Variants in SLC39A8 observed in about 807,000 individuals in gnomAD.
The protein encoded by SLC39A8 is metal cation symporter ZIP8.
SLC39A8 carries 15 observed loss-of-function variants against 40.4 expected under a neutral mutation model. The observed-to-expected ratio is 0.37, with a 90% CI of 0.25 to 0.57. The LOEUF (loss-of-function observed/expected upper bound fraction) is 0.57. Among genes scored for constraint, SLC39A8 ranks in the 20% least tolerant of loss-of-function variants. The probability of loss-of-function intolerance (pLI) is 0.75; values close to 1 mark genes in which losing one functional copy is unlikely to be tolerated. For missense variants in SLC39A8, 472 were observed against 558.8 expected, an observed-to-expected ratio of 0.84 and a Z score of 1.57; for synonymous variants, 223 against 221.6, an observed-to-expected ratio of 1.01 and a Z score of -0.06.
intron 8 of SLC39A8, among the ~76,000 whole-genome samples, chr4:102,266,733 G>A (rs1207446300): frequency 6.6e-6 from 1 of 151,824 alleles, no homozygotes; most frequent in South Asian, 2.1e-4. Context: ...TCAGACTCCC[G>A]AGTAGCTGGG....
chr4:102,322,002 T>C (rs1578614951), intron 2 of SLC39A8, among the ~76,000 whole-genome samples: 1 of 152,210 alleles, frequency 6.6e-6, no homozygotes, highest in East Asian at 1.9e-4. Context: ...ATTTGGTAGA[T>C]GTCTGTGGTT....
chr4:102,285,900 G>A (rs1416937017), intron 6 of SLC39A8, among the ~76,000 whole-genome samples: 1 of 152,036 alleles, frequency 6.6e-6, no homozygotes. Flanking sequence ...AACACCTTAT[G>A]GTTTGGCAAA....
chr4:102,259,874 A>G (rs921696609), downstream of SLC39A8, among the ~76,000 whole-genome samples: 2 of 152,172 alleles, frequency 1.3e-5, no homozygotes, highest in Non-Finnish European at 2.9e-5. Flanking sequence ...ATAATTCTGG[A>G]TGTGGCTCCA....
Position 102,304,994 on chromosome 4 carries a change from C to CAT in SLC39A8, c.668_669dup (p.Gly224MetfsTer32). The CAT allele has an allele frequency of 6.2e-7, 1 of 1,601,688 alleles. No homozygotes were observed. Among genetic ancestry groups the CAT allele is most frequent in the Non-Finnish European group, 8.5e-7 (1 of 1,171,842 alleles). ...TTTAAATAAAGTCCATTTACCTGAC[C>CAT]ATATGTCTTTAATAACATCTTTAGC... On this transcript the variant is annotated frameshift_variant, in exon 5 of 9. Coordinates refer to ENST00000356736, the MANE Select transcript of SLC39A8 (RefSeq NM_001135146.2). LOFTEE classifies it high-confidence loss of function.
At chr4:102,260,568 C>A (rs938830120), downstream of SLC39A8, among the ~76,000 whole-genome samples, 1 of 152,164 alleles carries the variant, frequency 6.6e-6, no homozygotes, top group Non-Finnish European at 1.5e-5. Flanking sequence ...GTGGGAGTCA[C>A]AAGTTAAAGA....
chr4:102,310,116 T>C (rs1247669063), intron 3 of SLC39A8, among the ~76,000 whole-genome samples: 1 of 152,082 alleles, frequency 6.6e-6, no homozygotes, highest in Non-Finnish European at 1.5e-5. Context: ...CTTCTCAACA[T>C]GGCCTTTACC....
At chr4:102,281,108 C>T (rs1292122389) in intron 6 of SLC39A8, among the ~76,000 whole-genome samples, 2 of 152,128 alleles carry the variant, frequency 1.3e-5, no homozygotes, top group Non-Finnish European at 1.5e-5. Flanking sequence ...ACATTCAGGA[C>T]ACAGGATATC....
At chr4:102,281,762 C>T (rs961499868) in intron 6 of SLC39A8, among the ~76,000 whole-genome samples, 6 of 152,266 alleles carry the variant, frequency 3.9e-5, no homozygotes, top group African/African-American at 1.2e-4. Context: ...CTACTCTGTA[C>T]ATGGAGCGTG....
At chr4:102,312,286 C>T in intron 3 of SLC39A8, among the ~76,000 whole-genome samples, 1 of 152,074 alleles carries the variant, frequency 6.6e-6, no homozygotes, top group African/African-American at 2.4e-5. Context: ...CGATCCCACT[C>T]CACTCCAGCC....
chr4:102,258,710 C>T (rs896171510), downstream of SLC39A8, among the ~76,000 whole-genome samples: 3 of 152,190 alleles, frequency 2.0e-5, no homozygotes, highest in Non-Finnish European at 4.4e-5. Context: ...TTGCTTAATG[C>T]TGTCTGTCTG....
Position 102,261,917 on chromosome 4 carries a change from T to C in SLC39A8, c.*1127A>G, listed in dbSNP as rs569425413. 3.2e-5 allele frequency: 32 copies of C among 985,600 alleles called. No individual in the cohort carries two copies. In the South Asian group the frequency reaches 5.6e-4, roughly 17 times the overall value. 61.1% of individuals were successfully genotyped at this position (985,600 alleles called of 1,614,324 possible). The stretch of plus-strand genomic sequence containing the variant: ...TCTAGGATGTTCAATTTTAGACCAA[T>C]TTTCTCTATCTTCTAAATGAGTAAA... On this transcript the variant is annotated 3_prime_UTR_variant, in exon 9 of 9. Coordinates refer to ENST00000356736, the MANE Select transcript of SLC39A8 (RefSeq NM_001135146.2).
chr4:102,271,956 G>T (rs1732381624), intron 6 of SLC39A8, among the ~76,000 whole-genome samples: 1 of 152,110 alleles, frequency 6.6e-6, no homozygotes, highest in Non-Finnish European at 1.5e-5. Flanking sequence ...CTGAGAGGTT[G>T]GAGTTCTGTT....
chr4:102,262,735 T>C lies in SLC39A8; in HGVS notation c.*309A>G, dbSNP rs1170132618. ...GTATTTTCCCCTGAGTCTGAGTGTC[T>C]ACATGATTATAGAATGCATGTCTCT... On this transcript the variant is annotated 3_prime_UTR_variant, in exon 9 of 9. Transcript: ENST00000356736. The C allele has an allele frequency of 3.8e-6, 4 of 1,047,886 alleles. No homozygotes were observed. The African/African-American group carries it at 6.7e-5, about 18-fold the overall frequency. The allele number at this position is 1,047,886 out of a possible 1,614,324, so 64.9% of individuals were successfully genotyped here.
At chr4:102,319,257 C>T (rs1321309076) in intron 2 of SLC39A8, among the ~76,000 whole-genome samples, 1 of 152,172 alleles carries the variant, frequency 6.6e-6, no homozygotes, top group Non-Finnish European at 1.5e-5. Flanking sequence ...GGGGCTGGTT[C>T]AGAGAGAGGA....
At position 102,344,905 on chromosome 4, in the gene SLC39A8, T is replaced by C; in HGVS notation, c.-243A>G. 1 of 1,291,342 alleles carries C rather than the reference T, an allele frequency of 7.7e-7. No individual in the cohort carries two copies. The highest frequency in any genetic ancestry group is 1.6e-5 in the African/African-American group (1 of 64,278). 80.0% of individuals were successfully genotyped at this position (1,291,342 alleles called of 1,614,324 possible). ...GATAGGCGGAGTGGGCCCCCCGGCC[T>C]CCTGGAGAGCCTGAGATAAAGAGGA... On this transcript the variant is annotated 5_prime_UTR_variant, in exon 2 of 9. Coordinates refer to ENST00000356736, the MANE Select transcript of SLC39A8 (RefSeq NM_001135146.2).
Position 102,341,164 on chromosome 4 carries a change from G to A in SLC39A8, c.219+3280C>T, listed in dbSNP as rs559585447. On this transcript the variant is annotated intron_variant, in intron 2 of 8. Transcript: ENST00000356736. ...GGTTAAAAACAGAACTTGGTTACCA[G>A]TAGAAATGTGAGAAGAAAAAAACTA... Among the ~76,000 whole-genome samples the A allele has an allele frequency of 2.6e-3, 390 of 152,284 alleles. 2 individuals are homozygous for A. Among genetic ancestry groups the A allele is most frequent in the Non-Finnish European group, 4.7e-3 (323 of 68,020 alleles).
intron 2 of SLC39A8, among the ~76,000 whole-genome samples, chr4:102,340,173 A>C (rs1051455109): frequency 6.6e-6 from 1 of 152,204 alleles, no homozygotes; most frequent in Admixed American, 6.5e-5. Context: ...AATTATAATG[A>C]ATACATGTTA....
At chr4:102,320,244 A>T (rs933732209) in intron 2 of SLC39A8, among the ~76,000 whole-genome samples, 1 of 135,620 alleles carries the variant, frequency 7.4e-6, no homozygotes. Context: ...TATATATGAG[A>T]ATATATATAT....
chr4:102,320,741 A>G (rs1734926575), intron 2 of SLC39A8, among the ~76,000 whole-genome samples: 1 of 130,836 alleles, frequency 7.6e-6, no homozygotes, highest in South Asian at 2.5e-4. Context: ...TATATATGAG[A>G]ATATATATAT....
Sources: gnomAD v4.1 joint callset for allele counts (sites outside exome capture counted in the v4.1 genomes callset) on GRCh38, gnomAD v4.1.1 for gene constraint, MANE v1.5 for transcripts, NCBI Gene and HGNC (gene_info 2026-07-23, HGNC 2026-07-21) for gene names.